DAB2IP: variants seen among roughly 807,000 people sequenced by gnomAD.
DAB2IP encodes the protein DAB2 interacting protein.
A neutral mutation model predicts 107.2 loss-of-function variants in DAB2IP; 28 were observed. That is an observed-to-expected ratio of 0.26 (90% CI 0.19 to 0.36). DAB2IP has a LOEUF of 0.36. DAB2IP is among the 10% of genes least tolerant of loss of function. The pLI, the probability that DAB2IP is intolerant of heterozygous loss-of-function variation, is 1.00. For missense variants in DAB2IP, 1,400 were observed against 1,644.7 expected (o/e 0.85, Z 2.57); for synonymous variants, 755 against 706.4 (o/e 1.07, Z -1.09).
At chr9:121,631,200 G>A (rs1255206782) in intron 1 of DAB2IP, among the ~76,000 whole-genome samples, 3 of 152,226 alleles carry the variant, frequency 2.0e-5, no homozygotes, top group African/African-American at 7.2e-5. Flanking sequence ...GCCTGGTTGC[G>A]GGAGGGGGCA....
At chr9:121,739,027 C>T (rs1360682699) in intron 3 of DAB2IP, among the ~76,000 whole-genome samples, 1 of 152,266 alleles carries the variant, frequency 6.6e-6, no homozygotes, top group Non-Finnish European at 1.5e-5. Flanking sequence ...CACCTGTGTT[C>T]CCAGTGCCTA....
At chr9:121,685,852 A>C (rs1263514051) in intron 2 of DAB2IP, among the ~76,000 whole-genome samples, 1 of 152,244 alleles carries the variant, frequency 6.6e-6, no homozygotes, top group East Asian at 1.9e-4. Flanking sequence ...AGGACATGGG[A>C]AACAGCATGA....
chr9:121,609,010 C>T lies in DAB2IP; in HGVS notation c.40+41782C>T, dbSNP rs184567998. On this transcript the variant is annotated intron_variant, in intron 1 of 16. Transcript: ENST00000259371. ...AGGCTAGAGTGCAGTGGCGCAATCTCGGCTCACTGCAACCTCTGCATCCCA... is the reference window on the plus strand; with the variant it reads ...AGGCTAGAGTGCAGTGGCGCAATCTTGGCTCACTGCAACCTCTGCATCCCA... 1.4e-4 allele frequency among the ~76,000 whole-genome samples: 21 copies of T among 152,286 alleles called. No homozygotes were observed. In the East Asian group the frequency reaches 3.1e-3, roughly 22 times the overall value.
chr9:121,770,482 A>G, intron 10 of DAB2IP, 64 bp from the exon 11 acceptor site: 1 of 1,556,202 alleles, frequency 6.4e-7, no homozygotes, highest in East Asian at 2.3e-5. Context: ...TAGTGGCTGC[A>G]GCACATACAG....
chr9:121,658,690 G>C (rs1046113442), intron 1 of DAB2IP, among the ~76,000 whole-genome samples: 1 of 152,122 alleles, frequency 6.6e-6, no homozygotes, highest in South Asian at 2.1e-4. Flanking sequence ...AAGTAGACTC[G>C]ATACTCAGCA....
At position 121,772,547 on chromosome 9, in the gene DAB2IP, G is replaced by GGCT. The variant is rs1834838528; in HGVS notation, c.2079-57_2079-55dup. The stretch of plus-strand genomic sequence containing the variant: ...GGTGCTGTCGGTTTGGACCCGCCTT[G>GGCT]GCTGCACTCACAGTTCTTCTTTTCC... On this transcript the variant is annotated intron_variant, in intron 11 of 15. Coordinates refer to ENST00000408936, the Ensembl canonical transcript of DAB2IP. This position sits in a 1 kb window ranked among gnomAD's most constrained non-coding sequence, Gnocchi z 4.7. 1 of 1,553,028 alleles carries GGCT rather than the reference G, an allele frequency of 6.4e-7. No individual in the cohort carries two copies. The highest frequency in any genetic ancestry group is 1.4e-5 in the African/African-American group (1 of 73,880).
At position 121,758,885 on chromosome 9, in the gene DAB2IP, C is replaced by T; in HGVS notation, c.517-13C>T. The T allele has an allele frequency of 1.2e-6, 2 of 1,611,090 alleles. No homozygotes were observed. Among genetic ancestry groups the T allele is most frequent in the Non-Finnish European group, 1.7e-6 (2 of 1,178,860 alleles). ...CCCTTCCCTCATAACACTGTCTTGC[C>T]TGCTCCCCACAGGTGACGACGTCAT... On this transcript the variant is annotated splice_polypyrimidine_tract_variant and intron_variant, in intron 4 of 15. Coordinates refer to ENST00000408936, the Ensembl canonical transcript of DAB2IP.
At chr9:121,714,515 A>T (rs963032855) in intron 3 of DAB2IP, among the ~76,000 whole-genome samples, 1 of 152,188 alleles carries the variant, frequency 6.6e-6, no homozygotes, top group African/African-American at 2.4e-5. Flanking sequence ...CGATTCAAAT[A>T]TTATAGAGGC....
At chr9:121,707,649 TG>T (rs1334130064) in intron 3 of DAB2IP, among the ~76,000 whole-genome samples, 2 of 152,200 alleles carry the variant, frequency 1.3e-5, no homozygotes, top group Admixed American at 1.3e-4. Flanking sequence ...GACGTTGTCA[TG>T]GGAAGTTTTC....
At chr9:121,689,500 T>G (rs1424210972) in intron 2 of DAB2IP, among the ~76,000 whole-genome samples, 1 of 151,788 alleles carries the variant, frequency 6.6e-6, no homozygotes, top group Admixed American at 6.6e-5. Context: ...ATTTATGGAG[T>G]TTCCCCCACC....
At chr9:121,638,869 G>C (rs962880329) in intron 1 of DAB2IP, among the ~76,000 whole-genome samples, 1 of 152,204 alleles carries the variant, frequency 6.6e-6, no homozygotes, top group Non-Finnish European at 1.5e-5. Flanking sequence ...CACAGAGCAG[G>C]CTCCAAGTCT....
chr9:121,652,466 A>T (rs1238965808), intron 1 of DAB2IP, among the ~76,000 whole-genome samples: 1 of 152,056 alleles, frequency 6.6e-6, no homozygotes, highest in Non-Finnish European at 1.5e-5. Flanking sequence ...TTCTTTTTCC[A>T]GTAACAGGAT....
chr9:121,578,767 G>A (rs1330970408), intron 1 of DAB2IP, among the ~76,000 whole-genome samples: 4 of 101,382 alleles, frequency 3.9e-5, no homozygotes, highest in Non-Finnish European at 7.0e-5. Flanking sequence ...TTGAGACGAA[G>A]TCTTGCTCTG....
At chr9:121,663,987 ATGTTTCT>A (rs1833313616) in intron 1 of DAB2IP, among the ~76,000 whole-genome samples, 2 of 152,342 alleles carry the variant, frequency 1.3e-5, no homozygotes, top group South Asian at 4.1e-4. Context: ...GGTGGAGCTG[ATGTTTCT>A]TAATTCAGGA....
chr9:121,624,719 G>GC (rs2119001835), intron 1 of DAB2IP, among the ~76,000 whole-genome samples: 1 of 152,318 alleles, frequency 6.6e-6, no homozygotes, highest in South Asian at 2.1e-4. Flanking sequence ...CTAGGTTTGT[G>GC]CAAGTGTACT....
At chr9:121,621,862 C>G (rs981227209) in intron 1 of DAB2IP, among the ~76,000 whole-genome samples, 7 of 150,934 alleles carry the variant, frequency 4.6e-5, no homozygotes, top group Admixed American at 4.0e-4. Context: ...ACCATATTGG[C>G]CAGGCTGGTC....
chr9:121,778,281 A>G (rs1411853707), intron 14 of DAB2IP, among the ~76,000 whole-genome samples: 4 of 152,152 alleles, frequency 2.6e-5, no homozygotes, highest in Non-Finnish European at 4.4e-5. Context: ...CAAAACCCCT[A>G]CCTATTAAGA....
upstream of DAB2IP, among the ~76,000 whole-genome samples, chr9:121,650,120 T>G (rs1423300267): frequency 6.6e-6 from 1 of 152,210 alleles, no homozygotes; most frequent in Non-Finnish European, 1.5e-5. Context: ...AGCCAAAAGA[T>G]TGGGCACCCC....
intron 1 of DAB2IP, among the ~76,000 whole-genome samples, chr9:121,625,096 C>A (rs925275739): frequency 6.6e-6 from 1 of 152,132 alleles, no homozygotes; most frequent in Non-Finnish European, 1.5e-5. Flanking sequence ...CACATAACAT[C>A]CATAGGAAGT....
Sources: allele counts gnomAD v4.1 joint callset (sites outside exome capture counted in the v4.1 genomes callset), GRCh38; gene constraint gnomAD v4.1.1; non-coding constraint Gnocchi (gnomAD v3.1); transcripts MANE v1.5; gene names NCBI Gene and HGNC (gene_info 2026-07-23, HGNC 2026-07-21).